NTRK3: variants seen among roughly 807,000 people sequenced by gnomAD.
The protein encoded by NTRK3 is neurotrophic receptor tyrosine kinase 3, also known as NT-3 growth factor receptor.
NTRK3 carries 24 observed loss-of-function variants against 91.7 expected under a neutral mutation model. The ratio of observed to expected loss-of-function variants is 0.26; its 90% CI spans 0.19 to 0.37. The LOEUF is 0.37. Ranked by LOEUF, NTRK3 falls within the 10% of genes least tolerant of loss-of-function variation. The probability of loss-of-function intolerance (pLI) is 1.00; values close to 1 mark genes in which losing one functional copy is unlikely to be tolerated. For synonymous variants in NTRK3, 483 were observed against 404.0 expected (o/e 1.20, Z -2.34); for missense variants, 880 against 1,068.9 (o/e 0.82, Z 2.46).
intron 13 of NTRK3, among the ~76,000 whole-genome samples, chr15:88,080,252 G>T (rs564809883): frequency 4.6e-5 from 7 of 152,288 alleles, no homozygotes; most frequent in Admixed American, 1.3e-4. Context: ...CAGTCAAAGA[G>T]AATATCTTTT....
chr15:88,105,535 G>C (rs528245876), intron 13 of NTRK3, among the ~76,000 whole-genome samples: 236 of 152,288 alleles, frequency 1.5e-3, no homozygotes, highest in Non-Finnish European at 2.9e-3. Flanking sequence ...CCTACTATTG[G>C]TGTAGTACAC....
intron 14 of NTRK3, among the ~76,000 whole-genome samples, chr15:87,943,222 G>A (rs1023620649): frequency 1.3e-5 from 2 of 152,108 alleles, no homozygotes; most frequent in Non-Finnish European, 2.9e-5. Context: ...GGCTTCTTTG[G>A]TGGGGTGGGA....
chr15:88,078,013 G>A (rs1189519584), intron 13 of NTRK3, among the ~76,000 whole-genome samples: 1 of 152,190 alleles, frequency 6.6e-6, no homozygotes, highest in Non-Finnish European at 1.5e-5. Context: ...GCTCCCATTG[G>A]TTTGAGAATG....
intron 3 of NTRK3, among the ~76,000 whole-genome samples, chr15:88,228,630 G>A (rs1188411961): frequency 6.6e-6 from 1 of 152,108 alleles, no homozygotes; most frequent in Non-Finnish European, 1.5e-5. Context: ...CACAGCACAT[G>A]ACCCCAGTAC....
intron 6 of NTRK3, among the ~76,000 whole-genome samples, chr15:88,142,290 G>T (rs1356212358): frequency 6.6e-6 from 1 of 152,252 alleles, no homozygotes; most frequent in Non-Finnish European, 1.5e-5. Context: ...CATGAATAAT[G>T]CAGGCAGTCG....
At chr15:88,165,548 T>C (rs529736750) in intron 5 of NTRK3, among the ~76,000 whole-genome samples, 8 of 152,234 alleles carry the variant, frequency 5.3e-5, no homozygotes, top group African/African-American at 1.9e-4. Flanking sequence ...CTAAAGAAAA[T>C]TGGGATACAG....
chr15:88,021,496 T>C (rs2077585683), intron 14 of NTRK3, among the ~76,000 whole-genome samples: 1 of 152,234 alleles, frequency 6.6e-6, no homozygotes, highest in African/African-American at 2.4e-5. Flanking sequence ...TCTTGGTAAG[T>C]CTCAGGGATC....
chr15:88,038,764 C>G (rs1434005561), intron 13 of NTRK3, among the ~76,000 whole-genome samples: 2 of 151,926 alleles, frequency 1.3e-5, no homozygotes, highest in African/African-American at 4.8e-5. Context: ...CCCCACAAAA[C>G]ACACACACAC....
chr15:88,022,528 A>G (rs572222400), intron 14 of NTRK3, among the ~76,000 whole-genome samples: 3 of 152,322 alleles, frequency 2.0e-5, no homozygotes, highest in African/African-American at 7.2e-5. Flanking sequence ...GGATCTCTGG[A>G]GAAAAGTTAA....
At chr15:88,039,266 C>A (rs1330099438) in intron 13 of NTRK3, among the ~76,000 whole-genome samples, 3 of 152,048 alleles carry the variant, frequency 2.0e-5, no homozygotes, top group Non-Finnish European at 2.9e-5. Flanking sequence ...CACTAATAAT[C>A]AAAAAGAAGA....
chr15:88,063,008 C>T (rs558137090), intron 13 of NTRK3, among the ~76,000 whole-genome samples: 1 of 152,374 alleles, frequency 6.6e-6, no homozygotes, highest in South Asian at 2.1e-4. Context: ...CCCACACACA[C>T]ACTTTCAGTG....
intron 6 of NTRK3, among the ~76,000 whole-genome samples, chr15:88,143,351 C>T (rs1461437723): frequency 2.4e-4 from 36 of 152,230 alleles, no homozygotes; most frequent in Non-Finnish European, 2.9e-5. Flanking sequence ...CCAGGAGCCA[C>T]CAGAAGCTGG....
At chr15:88,218,553 T>C (rs919708097) in intron 3 of NTRK3, among the ~76,000 whole-genome samples, 1 of 152,220 alleles carries the variant, frequency 6.6e-6, no homozygotes, top group South Asian at 2.1e-4. Flanking sequence ...AGGCACTCAA[T>C]GTTCAATCAT....
chr15:88,183,338 C>G, intron 5 of NTRK3, 80 bp downstream of exon 5: 3 of 1,468,814 alleles, frequency 2.0e-6, no homozygotes, highest in Non-Finnish European at 2.9e-6. Flanking sequence ...AAAGCCAGGT[C>G]TAGACCTCAG....
chr15:87,971,523 C>T lies in NTRK3; in HGVS notation c.1586-30770G>A, dbSNP rs376653687. Among the ~76,000 whole-genome samples the T allele has an allele frequency of 6.1e-4, 93 of 152,336 alleles. 1 individual carries two copies. The highest frequency in any genetic ancestry group is 2.2e-3 in the African/African-American group (90 of 41,576). On this transcript the variant is annotated intron_variant, in intron 14 of 18. Transcript: ENST00000394480. ...TATCTAGCCAGTACTCTGGAATGTT[C>T]CTTCTGTCACCCTTGCCTTGACTTT...
intron 14 of NTRK3, among the ~76,000 whole-genome samples, chr15:88,005,394 T>C (rs2076415736): frequency 6.6e-6 from 1 of 152,104 alleles, no homozygotes; most frequent in Non-Finnish European, 1.5e-5. Flanking sequence ...AGGCAATTGT[T>C]CCAAACAGCT....
chr15:88,099,698 C>T (rs1174068769), intron 13 of NTRK3, among the ~76,000 whole-genome samples: 1 of 152,168 alleles, frequency 6.6e-6, no homozygotes, highest in Non-Finnish European at 1.5e-5. Context: ...GTCTCCAATT[C>T]TGCATCCAAA....
exon 19 of NTRK3, chr15:87,871,428 G>A (rs2064825071): frequency 4.3e-6 from 1 of 230,400 alleles, no homozygotes; most frequent in South Asian, 1.8e-4. Context: ...AGCAATCAAT[G>A]ATCAAAATCT....
At chr15:87,881,613 G>T (rs1432359213) in intron 17 of NTRK3, among the ~76,000 whole-genome samples, 6 of 151,952 alleles carry the variant, frequency 3.9e-5, no homozygotes, top group Non-Finnish European at 7.4e-5. Flanking sequence ...TAGAGACGGG[G>T]TTTCACTGTG....
Sources: allele counts gnomAD v4.1 joint callset (sites outside exome capture counted in the v4.1 genomes callset), GRCh38; gene constraint gnomAD v4.1.1; transcripts MANE v1.5; gene names NCBI Gene and HGNC (gene_info 2026-07-23, HGNC 2026-07-21).